The following CYP2C19 variants were observed in gnomAD, a reference collection of about 807,000 sequenced individuals.
The protein encoded by CYP2C19 is cytochrome P450 family 2 subfamily C member 19, also known as cytochrome P450 2C19.
CYP2C19 carries 59 observed loss-of-function variants against 40.9 expected under a neutral mutation model. The ratio of observed to expected loss-of-function variants is 1.44; its 90% CI spans 1.17 to 1.79. The LOEUF (loss-of-function observed/expected upper bound fraction) is 1.79, where lower values mean the gene tolerates loss of function less well. Ranked by LOEUF, CYP2C19 falls within the 40% of genes most tolerant of loss-of-function variation. The pLI is 0.00. For synonymous variants in CYP2C19, 253 were observed against 208.7 expected, an observed-to-expected ratio of 1.21 and a Z score of -1.83; for missense variants, 754 against 596.9, an observed-to-expected ratio of 1.26 and a Z score of -2.74.
At chr10:94,820,406 GT>G in intron 5 of CYP2C19, 89 bp from the exon 6 acceptor site, 5 of 1,423,478 alleles carry the variant, frequency 3.5e-6, no homozygotes, top group Non-Finnish European at 4.9e-6. Context: ...TTCTATGTTG[GT>G]AAGTATACAA....
rs61526399 is a variant in CYP2C19, at chr10:94,820,512, A to C, written c.836A>C (p.Gln279Pro). 119 of 1,614,198 alleles carry C rather than the reference A, an allele frequency of 7.4e-5. No individual in the cohort carries two copies. The highest frequency in any genetic ancestry group is 1.6e-4 in the Middle Eastern group (1 of 6,062). The change falls in exon 6 of 9, where the codon CAG becomes CCG. Residue 279 changes from glutamine to proline, a missense_variant. Gln to Pro is a moderately conservative substitution (Grantham distance 76, BLOSUM62 -1). Transcript: ENST00000371321. ...IKMEKEKQNQQSEFTIENLVI... is the reference protein window; with the variant it reads ...IKMEKEKQNQPSEFTIENLVI... ...CATTCCTAGGAAAAGCAAAACCAAC[A>C]GTCTGAATTCACTATTGAAAACTTG...
At position 94,854,637 on chromosome 10, in the gene CYP2C19, C is replaced by G. The variant is rs375427613; in HGVS notation, c.*1723C>G. Among the ~76,000 whole-genome samples, 5 of 152,052 alleles carry G rather than the reference C, an allele frequency of 3.3e-5. No individual in the cohort carries two copies. The South Asian group carries it at 1.0e-3, about 32-fold the overall frequency. ...TATGGGTACAGATGTACATGTACATCTATGCATGTGTGTGTACATTATGTG... is the reference window on the plus strand; with the variant it reads ...TATGGGTACAGATGTACATGTACATGTATGCATGTGTGTGTACATTATGTG... On this transcript the variant is annotated 3_prime_UTR_variant, in exon 9 of 9. Transcript: ENST00000371321.
rs144218639 is a variant in CYP2C19, at chr10:94,801,511, G to A, written c.820-18985G>A. Among the ~76,000 whole-genome samples, 477 of 152,212 alleles carry A rather than the reference G, an allele frequency of 3.1e-3. 3 individuals carry two copies. Among genetic ancestry groups the A allele is most frequent in the African/African-American group, 0.011 (454 of 41,542 alleles). On this transcript the variant is annotated intron_variant, in intron 5 of 8. Transcript: ENST00000371321. Reference sequence around the variant, plus strand: ...TTTGCTCAGGAGTGTTTTACTTCTAGTTATGTGATCAATTTTAGACTAAGT... The same window carrying A: ...TTTGCTCAGGAGTGTTTTACTTCTAATTATGTGATCAATTTTAGACTAAGT...
chr10:94,846,617 AG>A (rs1849575969), intron 7 of CYP2C19, among the ~76,000 whole-genome samples: 1 of 152,134 alleles, frequency 6.6e-6, no homozygotes, highest in East Asian at 1.9e-4. Flanking sequence ...TGGTTACAAA[AG>A]ATGATTTTTT....
chr10:94,786,940 A>C (rs74636383), intron 5 of CYP2C19, among the ~76,000 whole-genome samples: 7,247 of 151,844 alleles, frequency 0.048, 242 homozygotes, highest in South Asian at 0.11. Context: ...GCTATTGTGA[A>C]TAGTGCAGAG....
intron 1 of CYP2C19, among the ~76,000 whole-genome samples, chr10:94,766,585 TTAAAGA>T (rs961426050): frequency 3.9e-5 from 6 of 152,260 alleles, no homozygotes; most frequent in African/African-American, 1.4e-4. Context: ...AGAAGAGGTG[TTAAAGA>T]TAAAGATTAT....
chr10:94,830,718 C>A (rs1849320479), intron 6 of CYP2C19, among the ~76,000 whole-genome samples: 1 of 152,146 alleles, frequency 6.6e-6, no homozygotes, highest in Non-Finnish European at 1.5e-5. Flanking sequence ...CTTATATATA[C>A]TAACGTATAT....
chr10:94,844,413 T>A (rs1177790511), intron 7 of CYP2C19, among the ~76,000 whole-genome samples: 1 of 151,922 alleles, frequency 6.6e-6, no homozygotes, highest in African/African-American at 2.4e-5. Flanking sequence ...CTCTCTGAGG[T>A]TCTCCTACCT....
intron 3 of CYP2C19, among the ~76,000 whole-genome samples, chr10:94,778,168 G>A (rs1475337598): frequency 1.3e-5 from 2 of 152,146 alleles, no homozygotes; most frequent in African/African-American, 4.8e-5. Flanking sequence ...GCAATCTGTA[G>A]GTAATTAATA....
chr10:94,805,201 A>G (rs1848816802), intron 5 of CYP2C19, among the ~76,000 whole-genome samples: 1 of 152,082 alleles, frequency 6.6e-6, no homozygotes, highest in Admixed American at 6.6e-5. Flanking sequence ...TGCAGTTTTC[A>G]TAAATATGCT....
At chr10:94,785,643 C>A (rs1474356723) in intron 5 of CYP2C19, among the ~76,000 whole-genome samples, 1 of 152,086 alleles carries the variant, frequency 6.6e-6, no homozygotes, top group Admixed American at 6.6e-5. Flanking sequence ...AGAGAGTAAG[C>A]ATTTGGGAAT....
chr10:94,843,120 T>C (rs761459211), intron 7 of CYP2C19, 96 bp downstream of exon 7: 60 of 1,458,832 alleles, frequency 4.1e-5, no homozygotes, highest in Non-Finnish European at 5.5e-5. Flanking sequence ...GTGAGAGAAG[T>C]GCATTACTCC....
intron 1 of CYP2C19, among the ~76,000 whole-genome samples, chr10:94,770,198 C>T (rs1454862397): frequency 1.3e-5 from 2 of 152,128 alleles, no homozygotes; most frequent in African/African-American, 4.8e-5. Context: ...ACCCTGGGCA[C>T]CCTGAGTCCT....
chr10:94,820,644 T>C lies in CYP2C19; in HGVS notation c.961+7T>C, dbSNP rs373898208. ...AAGCACCCAGAGGTCACAGGTATGA[T>C]CACAGAGGATGAGTTAATTGAGTTT... On this transcript the variant is annotated splice_region_variant and intron_variant, in intron 6 of 8. Coordinates refer to ENST00000371321, the MANE Select transcript of CYP2C19 (RefSeq NM_000769.4). 26 of 1,614,038 alleles carry C rather than the reference T, an allele frequency of 1.6e-5. No homozygotes were observed. In the African/African-American group the frequency reaches 3.1e-4, roughly 19 times the overall value.
At chr10:94,822,127 CT>C (rs1193791660) in intron 6 of CYP2C19, among the ~76,000 whole-genome samples, 18 of 152,028 alleles carry the variant, frequency 1.2e-4, no homozygotes, top group Admixed American at 1.1e-3. Context: ...GATTTTTGTT[CT>C]TTTTTATGGC....
At chr10:94,817,213 C>G (rs1371703780) in intron 5 of CYP2C19, among the ~76,000 whole-genome samples, 2 of 138,836 alleles carry the variant, frequency 1.4e-5, no homozygotes, top group African/African-American at 5.4e-5. Flanking sequence ...AAAGTGTTCC[C>G]ATTTCTCCAC....
chr10:94,774,847 C>T (rs1034625911), intron 1 of CYP2C19: 17 of 584,586 alleles, frequency 2.9e-5, no homozygotes, highest in African/African-American at 9.3e-5. Flanking sequence ...ATCTGTGTAG[C>T]AATTGTCTGA....
At chr10:94,815,589 C>T (rs1261441891) in intron 5 of CYP2C19, among the ~76,000 whole-genome samples, 1 of 152,212 alleles carries the variant, frequency 6.6e-6, no homozygotes, top group Non-Finnish European at 1.5e-5. Context: ...TACCCTTACT[C>T]TCTCTTTTAT....
chr10:94,798,285 A>G (rs1017592537), intron 5 of CYP2C19, among the ~76,000 whole-genome samples: 5 of 152,118 alleles, frequency 3.3e-5, no homozygotes, highest in African/African-American at 1.2e-4. Context: ...TTCAGTTTCC[A>G]AGGGGTTGTG....
Sources: allele counts gnomAD v4.1 joint callset (sites outside exome capture counted in the v4.1 genomes callset), GRCh38; gene constraint gnomAD v4.1.1; transcripts MANE v1.5; gene names NCBI Gene and HGNC (gene_info 2026-07-23, HGNC 2026-07-21).